The following DDX3X variants were observed in gnomAD, a reference collection of about 807,000 sequenced individuals.
DDX3X encodes the protein DEAD-box helicase 3 X-linked, also known as ATP-dependent RNA helicase DDX3X.
A neutral mutation model predicts 52.7 loss-of-function variants in DDX3X; 4 were observed. The ratio of observed to expected loss-of-function variants is 0.08; its 90% CI spans 0.04 to 0.17. The LOEUF is 0.17. Among genes scored for constraint, DDX3X ranks in the 10% least tolerant of loss-of-function variants. DDX3X has a pLI of 1.00. For missense variants in DDX3X, 222 were observed against 548.6 expected (o/e 0.40, Z 5.95); for synonymous variants, 192 against 178.1 (o/e 1.08, Z -0.62).
intron 3 of DDX3X, chrX:41,339,983 A>G (rs563572342): frequency 1.1e-5 from 1 of 95,219 alleles, no homozygotes; most frequent in African/African-American, 4.1e-5. Context: ...GCGCGGGCTC[A>G]CTGCAACCTC....
chrX:41,344,407 T>A lies in DDX3X; in HGVS notation c.1025+8T>A. 13 of 1,209,248 alleles carry A rather than the reference T, an allele frequency of 1.1e-5. No individual in the cohort carries two copies. The highest frequency in any genetic ancestry group is 1.3e-5 in the Non-Finnish European group (12 of 893,523). On this transcript the variant is annotated splice_region_variant and intron_variant, in intron 10 of 16. Transcript: ENST00000644876. ...TGGATTAGACTTTTGCAAGTATGTT[T>A]TATTTTGTTTTTGTTTTTTTGTTTT...
chrX:41,344,025 C>T lies in DDX3X; in HGVS notation c.766-5C>T. ...AGTTAACTTAAAAATTAACTTATTT[C>T]TTAGGAAAATGGAAGGTATGGGCGC... On this transcript the variant is annotated splice_region_variant and splice_polypyrimidine_tract_variant and intron_variant, in intron 8 of 16. Transcript: ENST00000644876. 5.9e-6 allele frequency: 7 copies of T among 1,193,645 alleles called. No homozygotes were observed. Among genetic ancestry groups the T allele is most frequent in the Non-Finnish European group, 7.9e-6 (7 of 887,123 alleles).
At chrX:41,355,859 A>C (rs946946601) in intron 5 of DDX3X, among the ~76,000 whole-genome samples, 2 of 109,876 alleles carry the variant, frequency 1.8e-5, no homozygotes, top group Non-Finnish European at 3.8e-5. Flanking sequence ...CATTTCTCTA[A>C]TGGCTGGTGA....
intron 12 of DDX3X, 121 bp downstream of exon 12, chrX:41,345,669 T>A: frequency 1.5e-6 from 1 of 652,533 alleles, no homozygotes; most frequent in Middle Eastern, 5.2e-4. Context: ...GTATTTGACC[T>A]GCTCTGTTTC....
rs929605483 is a variant in DDX3X, at chrX:41,337,624, A to C, written c.103+159A>C. The C allele has an allele frequency of 1.8e-5, 7 of 397,545 alleles. No individual in the cohort carries two copies. The East Asian group carries it at 3.1e-4, about 18-fold the overall frequency. The allele number at this position is 397,545 out of a possible 1,213,427, so 32.8% of individuals were successfully genotyped here. A position where few individuals can be genotyped will look rare whatever the true frequency, so the allele number is the denominator to read the frequency against. On this transcript the variant is annotated intron_variant, in intron 2 of 16. Coordinates refer to ENST00000644876, the MANE Select transcript of DDX3X (RefSeq NM_001356.5). ...TAGAATTATGTAGTACTTAGTGATC[A>C]ATCTAAAGCATCGTTGCCTTTTTTT...
downstream of DDX3X, chrX:41,351,478 G>A (rs1055965243): frequency 9.0e-6 from 1 of 111,052 alleles, no homozygotes; most frequent in Non-Finnish European, 1.9e-5. Context: ...TATGCTCTAC[G>A]TGACCTGCTT....
downstream of DDX3X, among the ~76,000 whole-genome samples, chrX:41,354,886 G>T (rs1197159751): frequency 2.7e-5 from 3 of 110,100 alleles, no homozygotes; most frequent in African/African-American, 3.3e-5. Context: ...AGGCTGGAGT[G>T]CAGTGGTGCG....
chrX:41,357,431 G>C (rs2064013772), intron 5 of DDX3X, among the ~76,000 whole-genome samples: 1 of 111,236 alleles, frequency 9.0e-6, no homozygotes, highest in Admixed American at 9.7e-5. Flanking sequence ...CTATAGATCA[G>C]TTTTGAGGAG....
Position 41,344,292 on chromosome X carries a change from T to C in DDX3X, c.918T>C (p.Ile306=). The change falls in exon 10 of 17, where the codon ATT becomes ATC. Residue 306 remains isoleucine, a synonymous_variant. Coordinates refer to ENST00000644876, the MANE Select transcript of DDX3X (RefSeq NM_001356.5). The part of the protein sequence containing the change: ...RPCVVYGGAD[I]GQQIRDLERG... ...GCGTGGTTTATGGTGGTGCCGATAT[T>C]GGTCAGCAGATTCGAGACTTGGAAC... 1 of 1,212,011 alleles carries C rather than the reference T, an allele frequency of 8.3e-7. No homozygotes were observed. The highest frequency in any genetic ancestry group is 1.1e-6 in the Non-Finnish European group (1 of 895,386).
chrX:41,334,654 G>A lies in DDX3X; in HGVS notation c.45+357G>A, dbSNP rs762438368. On this transcript the variant is annotated intron_variant, in intron 1 of 16. Transcript: ENST00000644876. ...TTTGCGGGAGTGCGCAGCGCGGCGGGACGCGACTGGAGGCCCTTTTGGCTT... is the reference window on the plus strand; with the variant it reads ...TTTGCGGGAGTGCGCAGCGCGGCGGAACGCGACTGGAGGCCCTTTTGGCTT... The A allele has an allele frequency of 4.7e-6, 5 of 1,054,824 alleles. No individual in the cohort carries two copies. The South Asian group carries it at 9.8e-5, about 21-fold the overall frequency. 86.9% of individuals were successfully genotyped at this position (1,054,824 alleles called of 1,213,427 possible). A position where few individuals can be genotyped will look rare whatever the true frequency, so the allele number is the denominator to read the frequency against.
chrX:41,361,504 C>T (rs1303999978), intron 5 of DDX3X, among the ~76,000 whole-genome samples: 2 of 110,563 alleles, frequency 1.8e-5, no homozygotes, highest in Non-Finnish European at 1.9e-5. Flanking sequence ...GAGTGAGATT[C>T]TGTCTCAAAA....
rs761401204 is a variant in DDX3X, at chrX:41,346,600, T to C, written c.1593T>C (p.Arg531=). 3.7e-5 allele frequency: 44 copies of C among 1,199,641 alleles called. No homozygotes were observed. The South Asian group carries it at 7.4e-4, about 20-fold the overall frequency. Residue 531 remains arginine, a synonymous_variant, in exon 14 of 17, where the codon CGT becomes CGC. Coordinates refer to ENST00000644876, the MANE Select transcript of DDX3X (RefSeq NM_001356.5). The stretch of plus-strand genomic sequence containing the variant: ...AAGAATATGTACATCGTATTGGTCG[T>C]ACGGGACGTGTAGGAAACCTTGGTA... The part of the protein sequence containing the change: ...DIEEYVHRIG[R]TGRVGNLGLA...
intron 2 of DDX3X, 84 bp from the exon 3 acceptor site, chrX:41,338,952 C>A (rs2063808862): frequency 2.6e-6 from 1 of 378,531 alleles, no homozygotes. Context: ...TTTAATTTCC[C>A]AGAACCATTT....
chrX:41,356,454 CTTTTTTTTTTTT>C lies in DDX3X; in HGVS notation c.655-7808_655-7797del, dbSNP rs760583439. Among the ~76,000 whole-genome samples the C allele has an allele frequency of 3.0e-4, 20 of 65,653 alleles. 1 individual carries two copies. Among genetic ancestry groups the C allele is most frequent in the Non-Finnish European group, 4.3e-4 (16 of 37,103 alleles). 57.0% of individuals were successfully genotyped at this position (65,653 alleles called of 115,157 possible). ...GAGCCACCTCGCCTGGCCAGTATTT[CTTTTTTTTTTTT>C]TTTTTTTTTTTGAGACGGAGTCTCA... is the stretch of plus-strand genomic sequence containing the variant. On this transcript the variant is annotated intron_variant, in intron 5 of 5. Coordinates refer to the DDX3X transcript ENST00000616050.
rs752549355 is a variant in DDX3X at position 41,344,601 on chromosome X, C to T, written c.1025+202C>T. On this transcript the variant is annotated intron_variant, in intron 10 of 16. Coordinates refer to ENST00000644876, the MANE Select transcript of DDX3X (RefSeq NM_001356.5). ...TACAGGCATGTGCCACCACGCTGGGCTAATTTTTGTATTTTTAGTAGAGGC... is the reference window on the plus strand; with the variant it reads ...TACAGGCATGTGCCACCACGCTGGGTTAATTTTTGTATTTTTAGTAGAGGC... 11 of 452,483 alleles carry T rather than the reference C, an allele frequency of 2.4e-5. No individual in the cohort carries two copies. In the African/African-American group the frequency reaches 2.7e-4, roughly 11 times the overall value. The allele number at this position is 452,483 out of a possible 1,213,427, so 37.3% of individuals were successfully genotyped here.
At chrX:41,334,768 G>A in intron 1 of DDX3X, 1 of 956,009 alleles carries the variant, frequency 1.0e-6, no homozygotes, top group Non-Finnish European at 1.3e-6. Context: ...TGCGAGCAAG[G>A]GGTAGAACGC....
rs112619276 is a variant in DDX3X at position 41,341,441 on chromosome X, T to G, written c.152-43T>G. The stretch of plus-strand genomic sequence containing the variant: ...GATAATACCTTAACATGGTTCCTAT[T>G]TCTAATTAATAATAAAATGTATTTG... On this transcript the variant is annotated intron_variant, in intron 3 of 16. Transcript: ENST00000644876. 7.3e-6 allele frequency: 8 copies of G among 1,095,579 alleles called. No individual in the cohort carries two copies. The African/African-American group carries it at 7.4e-5, about 10-fold the overall frequency. The allele number at this position is 1,095,579 out of a possible 1,213,427, so 90.3% of individuals were successfully genotyped here. A position where few individuals can be genotyped will look rare whatever the true frequency, so the allele number is the denominator to read the frequency against.
intron 10 of DDX3X, chrX:41,344,663 CCTGACCTCAGGTGAT>C (rs2063898859): frequency 2.8e-6 from 1 of 358,282 alleles, no homozygotes; most frequent in African/African-American, 2.6e-5. Context: ...GTCTCGAACT[CCTGACCTCAGGTGAT>C]CCGCCTGCCT....
At position 41,347,364 on chromosome X, in the gene DDX3X, G is replaced by GCCAGCAGTT; in HGVS notation, c.1828_1836dup (p.Ser610_Ser612dup). On this transcript the variant is annotated inframe_insertion, in exon 16 of 17. Coordinates refer to ENST00000644876, the MANE Select transcript of DDX3X (RefSeq NM_001356.5). ...CAGAGACTACCGACAAAGTAGCGGT[G>GCCAGCAGTT]CCAGCAGTTCCAGCTTCAGCAGCAG... 1 of 1,211,831 alleles carries GCCAGCAGTT rather than the reference G, an allele frequency of 8.3e-7. No homozygotes were observed. The highest frequency in any genetic ancestry group is 1.1e-6 in the Non-Finnish European group (1 of 895,435).
Sources: gnomAD v4.1 joint callset for allele counts (sites outside exome capture counted in the v4.1 genomes callset) on GRCh38, gnomAD v4.1.1 for gene constraint, MANE v1.5 for transcripts, NCBI Gene and HGNC (gene_info 2026-07-23, HGNC 2026-07-21) for gene names.